Variants in SVIL observed in about 807,000 individuals in gnomAD.
The protein encoded by SVIL is archvillin.
SVIL carries 101 observed loss-of-function variants against 240.4 expected under a neutral mutation model. The observed-to-expected ratio is 0.42, with a 90% CI of 0.36 to 0.50. SVIL has a LOEUF of 0.50. Ranked by LOEUF, SVIL falls within the 20% of genes least tolerant of loss-of-function variation. SVIL has a pLI of 0.01. For synonymous variants in SVIL, 999 were observed against 1,100.0 expected, an observed-to-expected ratio of 0.91 and a Z score of 1.82; for missense variants, 2,512 against 2,818.7, an observed-to-expected ratio of 0.89 and a Z score of 2.46.
chr10:29,533,377 C>T lies in SVIL; in HGVS notation c.990G>A (p.Arg330=). 1.9e-6 allele frequency: 3 copies of T among 1,614,184 alleles called. No homozygotes were observed. The highest frequency in any genetic ancestry group is 2.5e-6 in the Non-Finnish European group (3 of 1,180,036). The change falls in exon 8 of 38, where the codon AGG becomes AGA. Residue 330 remains arginine, a synonymous_variant. Coordinates refer to ENST00000355867, the MANE Select transcript of SVIL (RefSeq NM_021738.3). ...PELASESVTQ[R]RHQPAPVHYV... ...AATGGACTGGCGCTGGCTGGTGTCT[C>T]CTCTGAGTTACGGACTCTGAGGCGA...
At chr10:29,554,641 T>G in intron 5 of SVIL, 142 bp downstream of exon 5, 1 of 1,109,146 alleles carries the variant, frequency 9.0e-7, no homozygotes, top group Non-Finnish European at 1.2e-6. Flanking sequence ...TGTGACAGAG[T>G]GAAACCTTGT....
intron 33 of SVIL, among the ~76,000 whole-genome samples, chr10:29,466,831 G>A (rs1422611469): frequency 6.6e-6 from 1 of 152,164 alleles, no homozygotes; most frequent in East Asian, 1.9e-4. Context: ...GTGGTTATAA[G>A]TGACTTCATT....
chr10:29,579,369 T>C lies in SVIL; in HGVS notation c.-200-10057A>G, dbSNP rs567155433. On this transcript the variant is annotated intron_variant, in intron 1 of 37. Coordinates refer to ENST00000355867, the MANE Select transcript of SVIL (RefSeq NM_021738.3). ...AGGAGAATGGCATGAACCCCAGAGG[T>C]GGAGGTTGCAGTGAGCAGAGATTGC... is the stretch of plus-strand genomic sequence containing the variant. Among the ~76,000 whole-genome samples the C allele has an allele frequency of 9.9e-5, 15 of 151,968 alleles. No homozygotes were observed. In the South Asian group the frequency reaches 2.3e-3, roughly 23 times the overall value.
chr10:29,580,902 C>T (rs927305484), intron 1 of SVIL, among the ~76,000 whole-genome samples: 4 of 152,190 alleles, frequency 2.6e-5, no homozygotes, highest in African/African-American at 7.2e-5. Flanking sequence ...TCCACCTTGG[C>T]CTCCCGAAGT....
At chr10:29,525,750 C>T (rs1950856240) in intron 13 of SVIL, among the ~76,000 whole-genome samples, 1 of 152,126 alleles carries the variant, frequency 6.6e-6, no homozygotes, top group Non-Finnish European at 1.5e-5. Context: ...CTGACCGATC[C>T]AATTGTCAGA....
intron 5 of SVIL, among the ~76,000 whole-genome samples, chr10:29,553,528 C>T (rs1953588866): frequency 6.6e-6 from 1 of 151,998 alleles, no homozygotes; most frequent in Non-Finnish European, 1.5e-5. Flanking sequence ...CTGCAGTGAG[C>T]CAAGATCTTG....
intron 2 of SVIL, among the ~76,000 whole-genome samples, chr10:29,566,733 T>C (rs1175136854): frequency 6.6e-6 from 1 of 151,700 alleles, no homozygotes; most frequent in African/African-American, 2.4e-5. Flanking sequence ...CTGCTTCTTC[T>C]GACTCAGAGG....
Position 29,524,642 on chromosome 10 carries a change from C to T in SVIL, c.2416G>A (p.Gly806Arg), listed in dbSNP as rs1950775940. The T allele has an allele frequency of 6.2e-7, 1 of 1,614,208 alleles. No individual in the cohort carries two copies. The highest frequency in any genetic ancestry group is 1.3e-5 in the African/African-American group (1 of 75,048). ...TNEGKELAEQ[G>R]EPDSSTLSLA... ...CTTAGAGTGGAGGAATCAGGTTCTC[C>T]TTGCTCAGCAAGCTCTTTGCCCTCA... The change falls in exon 14 of 38, where the codon GGA (glycine) becomes AGA (arginine). Residue 806 changes from glycine to arginine, a missense_variant. Gly to Arg is a moderately radical substitution (Grantham distance 125). Coordinates refer to ENST00000355867, the MANE Select transcript of SVIL (RefSeq NM_021738.3).
intron 1 of SVIL, among the ~76,000 whole-genome samples, chr10:29,731,238 C>T (rs1384958025): frequency 1.3e-5 from 2 of 152,208 alleles, no homozygotes; most frequent in East Asian, 3.8e-4. Flanking sequence ...GGGCCCAACC[C>T]TTATTCATCT....
intron 26 of SVIL, among the ~76,000 whole-genome samples, chr10:29,485,746 C>G (rs1031782087): frequency 2.6e-5 from 4 of 152,154 alleles, no homozygotes; most frequent in Non-Finnish European, 5.9e-5. Context: ...ATGCATGCAT[C>G]TAGTGTTCCT....
rs745770769 is a variant in SVIL, at chr10:29,522,464, G to A, written c.3335C>T (p.Pro1112Leu). The change falls in exon 16 of 38, where the codon CCG (proline) becomes CTG (leucine). Residue 1112 changes from proline to leucine, a missense_variant. Physicochemically the swap from Pro to Leu is moderately conservative, Grantham distance 98 (BLOSUM62 -3). Coordinates refer to ENST00000355867, the MANE Select transcript of SVIL (RefSeq NM_021738.3). ...AMFAAGEIKT[P>L]TGEGLLDSPS... ...TGAGTCAAGAAGGCCCTCCCCTGTC[G>A]GCGTTTTGATCTCTCCAGCAGCAAA... 78 of 1,614,108 alleles carry A rather than the reference G, an allele frequency of 4.8e-5. No homozygotes were observed. Among genetic ancestry groups the A allele is most frequent in the South Asian group, 1.1e-4 (10 of 91,072 alleles).
In SVIL at chr10:29,563,292, G is replaced by A; in HGVS notation, c.-142C>T. On this transcript the variant is annotated splice_region_variant and 5_prime_UTR_variant, in exon 3 of 38. Transcript: ENST00000355867. ...CTTCGAGTGAGAACTCCTTCTGAAA[G>A]CTAAAAATTACTCCATTAATAAAGT... 1.0e-6 allele frequency: 1 copy of A among 985,516 alleles called. No individual in the cohort carries two copies. Among genetic ancestry groups the A allele is most frequent in the South Asian group, 4.7e-5 (1 of 21,274 alleles). The allele number at this position is 985,516 out of a possible 1,614,324, so 61.0% of individuals were successfully genotyped here. A position where few individuals can be genotyped will look rare whatever the true frequency, so the allele number is the denominator to read the frequency against.
chr10:29,613,189 A>AG (rs1314300627), intron 1 of SVIL, among the ~76,000 whole-genome samples: 1 of 151,348 alleles, frequency 6.6e-6, no homozygotes, highest in African/African-American at 2.4e-5. Flanking sequence ...AAAAAAAAAA[A>AG]AAGAAGAAGG....
chr10:29,605,793 T>G (rs1201160473), intron 1 of SVIL, among the ~76,000 whole-genome samples: 3 of 150,942 alleles, frequency 2.0e-5, no homozygotes, highest in Non-Finnish European at 2.9e-5. Flanking sequence ...TAGAGAGAGA[T>G]AGTTGATTTT....
Position 29,458,250 on chromosome 10 carries a change from G to C in SVIL, c.6642C>G (p.Phe2214Leu), listed in dbSNP as rs368422168. The C allele has an allele frequency of 4.8e-5, 78 of 1,614,088 alleles. No homozygotes were observed. Among genetic ancestry groups the C allele is most frequent in the Non-Finnish European group, 6.4e-5 (75 of 1,180,040 alleles). Residue 2214 changes from phenylalanine to leucine, a missense_variant, in exon 38 of 38, where the codon TTC becomes TTG. Coordinates refer to ENST00000355867, the MANE Select transcript of SVIL (RefSeq NM_021738.3). ...QVNLKKAKGL[F>L] Reference sequence around the variant, plus strand: ...GGCTCCTCTGGCGTCTCCCCACTCAGAACAGGCCTTTTGCTTTCTTCAGGT... The same window carrying C: ...GGCTCCTCTGGCGTCTCCCCACTCACAACAGGCCTTTTGCTTTCTTCAGGT...
intron 6 of SVIL, among the ~76,000 whole-genome samples, chr10:29,540,570 CA>C (rs1952073128): frequency 6.6e-6 from 1 of 152,236 alleles, no homozygotes; most frequent in Non-Finnish European, 1.5e-5. Context: ...CAGGACCCCC[CA>C]GCATGCACCT....
chr10:29,722,865 T>C (rs926401670), intron 1 of SVIL, among the ~76,000 whole-genome samples: 3 of 152,194 alleles, frequency 2.0e-5, no homozygotes, highest in East Asian at 3.9e-4. Context: ...GGGAAGTGAA[T>C]GTGACCCTGG....
At chr10:29,488,503 T>C (rs926712918) in intron 23 of SVIL, 98 bp downstream of exon 23, 159 of 1,358,816 alleles carry the variant, frequency 1.2e-4, no homozygotes, top group Non-Finnish European at 1.5e-4. Context: ...GTGCGTTCCT[T>C]TCCCGGCACA....
rs767607506 is a variant in SVIL, at chr10:29,532,192, G to C, written c.1839-20C>G. 2 of 1,612,378 alleles carry C rather than the reference G, an allele frequency of 1.2e-6. No homozygotes were observed. Among genetic ancestry groups the C allele is most frequent in the East Asian group, 4.5e-5 (2 of 44,878 alleles). On this transcript the variant is annotated intron_variant, in intron 8 of 37. Coordinates refer to ENST00000355867, the MANE Select transcript of SVIL (RefSeq NM_021738.3). ...GATTTGCTTTGAGAATCAAAGGGCA[G>C]AGAGTATAAGGAAGGCAAACGAAGA...
Sources: allele counts gnomAD v4.1 joint callset (sites outside exome capture counted in the v4.1 genomes callset), GRCh38; gene constraint gnomAD v4.1.1; transcripts MANE v1.5; gene names NCBI Gene and HGNC (gene_info 2026-07-23, HGNC 2026-07-21).